The following SAMD4A variants were observed in gnomAD, a reference collection of about 807,000 sequenced individuals.
SAMD4A encodes the protein protein Smaug homolog 1.
A neutral mutation model predicts 81.3 loss-of-function variants in SAMD4A; 33 were observed. The ratio of observed to expected loss-of-function variants is 0.41; its 90% CI spans 0.31 to 0.54. SAMD4A has a LOEUF of 0.54. SAMD4A is among the 20% of genes least tolerant of loss of function. The probability of loss-of-function intolerance (pLI) is 0.37; values close to 1 mark genes in which losing one functional copy is unlikely to be tolerated. For synonymous variants in SAMD4A, 389 were observed against 382.1 expected (o/e 1.02, Z -0.21); for missense variants, 854 against 951.1 (o/e 0.90, Z 1.34).
chr14:54,772,814 AAAAC>A (rs1263213267), intron 9 of SAMD4A, among the ~76,000 whole-genome samples: 6 of 140,942 alleles, frequency 4.3e-5, no homozygotes, highest in East Asian at 4.6e-4. Flanking sequence ...TTCGTCATTA[AAAAC>A]AAACAAACAA....
At chr14:54,776,721 C>T (rs148823089) in intron 11 of SAMD4A, among the ~76,000 whole-genome samples, 181 bp downstream of exon 11, 299 of 152,300 alleles carry the variant, frequency 2.0e-3, no homozygotes, top group Non-Finnish European at 3.5e-3. Flanking sequence ...TGGCTGAGAG[C>T]CAGCATGTGG....
intron 2 of SAMD4A, among the ~76,000 whole-genome samples, chr14:54,691,370 G>T (rs1217323267): frequency 1.3e-5 from 2 of 151,946 alleles, no homozygotes; most frequent in African/African-American, 4.8e-5. Context: ...CCTGATTCTG[G>T]TCCAGCCACT....
chr14:54,566,486 C>T (rs932873158), upstream of SAMD4A, among the ~76,000 whole-genome samples: 3 of 151,760 alleles, frequency 2.0e-5, no homozygotes, highest in African/African-American at 4.8e-5. Flanking sequence ...CCGGCGGCGG[C>T]CACGAGAACC....
intron 11 of SAMD4A, among the ~76,000 whole-genome samples, chr14:54,777,178 A>C (rs2038875242): frequency 6.6e-6 from 1 of 152,084 alleles, no homozygotes; most frequent in South Asian, 2.1e-4. Context: ...AGGCAATTAC[A>C]CTGCACCTAT....
chr14:54,785,841 G>A (rs892523745), intron 12 of SAMD4A, among the ~76,000 whole-genome samples: 11 of 152,254 alleles, frequency 7.2e-5, no homozygotes, highest in African/African-American at 2.7e-4. Context: ...GGAGCTGAAA[G>A]CCTTCCAAGG....
At chr14:54,773,875 C>T (rs2038768998) in intron 9 of SAMD4A, among the ~76,000 whole-genome samples, 1 of 152,216 alleles carries the variant, frequency 6.6e-6, no homozygotes, top group Non-Finnish European at 1.5e-5. Flanking sequence ...ATTCAGGCAC[C>T]GGACATGCAG....
chr14:54,565,859 G>C (rs1193118954), upstream of SAMD4A, among the ~76,000 whole-genome samples: 2 of 151,870 alleles, frequency 1.3e-5, no homozygotes, highest in Non-Finnish European at 2.9e-5. This position sits in a 1 kb window ranked among gnomAD's most constrained non-coding sequence, Gnocchi z 5.4. Context: ...CCTCTCGGAG[G>C]TTCCTTCTAC....
chr14:54,701,997 A>C, intron 2 of SAMD4A, 65 bp from the exon 3 acceptor site: 14 of 1,519,018 alleles, frequency 9.2e-6, no homozygotes, highest in African/African-American at 1.4e-5. Context: ...AATTCTCTTT[A>C]GAGTATCTGT....
chr14:54,636,356 G>A (rs997033387), intron 2 of SAMD4A, among the ~76,000 whole-genome samples: 2 of 152,168 alleles, frequency 1.3e-5, no homozygotes, highest in Non-Finnish European at 2.9e-5. Context: ...AAGTGGTGGT[G>A]GGGGAGTCGT....
At chr14:54,581,437 TC>T (rs2033463313) in intron 2 of SAMD4A, among the ~76,000 whole-genome samples, 1 of 152,246 alleles carries the variant, frequency 6.6e-6, no homozygotes, top group East Asian at 1.9e-4. Context: ...GATCCGATGA[TC>T]CAATTCAATT....
At chr14:54,630,955 T>TGTGTGTGA (rs1566557252) in intron 2 of SAMD4A, among the ~76,000 whole-genome samples, 10 of 133,886 alleles carry the variant, frequency 7.5e-5, no homozygotes, top group African/African-American at 2.8e-4. Context: ...TGTGTGTGTG[T>TGTGTGTGA]GATGAGAAAT....
chr14:54,606,236 T>C (rs1253651585), intron 2 of SAMD4A, among the ~76,000 whole-genome samples: 6 of 150,260 alleles, frequency 4.0e-5, no homozygotes, highest in South Asian at 4.2e-4. Flanking sequence ...CGTGCACGTG[T>C]GCGCTCATTT....
chr14:54,618,929 A>G (rs1566550498), intron 2 of SAMD4A, among the ~76,000 whole-genome samples: 1 of 152,220 alleles, frequency 6.6e-6, no homozygotes, highest in Non-Finnish European at 1.5e-5. Context: ...ATATAGTAGG[A>G]CTAGCATCAT....
Position 54,751,545 on chromosome 14 carries a change from A to G in SAMD4A, c.1176+8A>G. 7 of 1,548,114 alleles carry G rather than the reference A, an allele frequency of 4.5e-6. No individual in the cohort carries two copies. Among genetic ancestry groups the G allele is most frequent in the Non-Finnish European group, 6.2e-6 (7 of 1,124,348 alleles). On this transcript the variant is annotated splice_region_variant and intron_variant, in intron 6 of 12. Transcript: ENST00000554335. Reference sequence around the variant, plus strand: ...CTGAAGTCTTTGGAAAGGGTAAGTTATCGGATGAGGGAACATTTCCACTTT... The same window carrying G: ...CTGAAGTCTTTGGAAAGGGTAAGTTGTCGGATGAGGGAACATTTCCACTTT...
chr14:54,731,842 A>C lies in SAMD4A; in HGVS notation c.716-5182A>C, dbSNP rs17127829. Among the ~76,000 whole-genome samples, 469 of 152,288 alleles carry C rather than the reference A, an allele frequency of 3.1e-3. 1 individual carries two copies. Among genetic ancestry groups the C allele is most frequent in the African/African-American group, 0.01 (430 of 41,530 alleles). On this transcript the variant is annotated intron_variant, in intron 3 of 12. Transcript: ENST00000554335. Reference sequence around the variant, plus strand: ...GTTTGGTATAGAGAATGATATTAGGAGTGTAGGAATATTTAATGCCCTTAT... The same window carrying C: ...GTTTGGTATAGAGAATGATATTAGGCGTGTAGGAATATTTAATGCCCTTAT...
intron 3 of SAMD4A, among the ~76,000 whole-genome samples, chr14:54,707,342 A>G (rs753765942): frequency 1.3e-5 from 2 of 151,894 alleles, no homozygotes; most frequent in Non-Finnish European, 2.9e-5. Context: ...GGGCTCAAAT[A>G]ATCCTCCTGC....
At chr14:54,655,284 A>G (rs1022406383) in intron 2 of SAMD4A, among the ~76,000 whole-genome samples, 1 of 152,184 alleles carries the variant, frequency 6.6e-6, no homozygotes, top group African/African-American at 2.4e-5. Flanking sequence ...CTAGGGTGGC[A>G]ATTACGGCAC....
intron 2 of SAMD4A, among the ~76,000 whole-genome samples, chr14:54,597,771 T>A (rs2033951320): frequency 6.6e-6 from 1 of 151,728 alleles, no homozygotes; most frequent in African/African-American, 2.4e-5. Context: ...TGTATTTTTT[T>A]AATAGAGACA....
intron 2 of SAMD4A, among the ~76,000 whole-genome samples, chr14:54,569,037 A>G (rs1007557381): frequency 6.6e-6 from 1 of 151,832 alleles, no homozygotes; most frequent in South Asian, 2.1e-4. Context: ...ATGGGGGGAA[A>G]GTCTGATGGT....
Sources: allele counts gnomAD v4.1 joint callset (sites outside exome capture counted in the v4.1 genomes callset), GRCh38; gene constraint gnomAD v4.1.1; non-coding constraint Gnocchi (gnomAD v3.1); transcripts MANE v1.5; gene names NCBI Gene and HGNC (gene_info 2026-07-23, HGNC 2026-07-21).